SPTBN1: variants seen among roughly 807,000 people sequenced by gnomAD.
SPTBN1 encodes the protein spectrin beta chain, non-erythrocytic 1.
In SPTBN1, 32 loss-of-function variants were observed where a neutral mutation model predicts 266.4. The ratio of observed to expected loss-of-function variants is 0.12; its 90% CI spans 0.09 to 0.16. The LOEUF is 0.16. SPTBN1 is among the 10% of genes least tolerant of loss of function. The pLI, the probability that SPTBN1 is intolerant of heterozygous loss-of-function variation, is 1.00. For synonymous variants in SPTBN1, 1,336 were observed against 1,162.2 expected, an observed-to-expected ratio of 1.15 and a Z score of -3.04; for missense variants, 2,296 against 3,067.1, an observed-to-expected ratio of 0.75 and a Z score of 5.94.
chr2:54,552,257 AG>A (rs1672617535), intron 2 of SPTBN1, among the ~76,000 whole-genome samples: 1 of 152,238 alleles, frequency 6.6e-6, no homozygotes, highest in African/African-American at 2.4e-5. Context: ...GAGGAGATAA[AG>A]CCTAGCAATT....
intron 18 of SPTBN1, among the ~76,000 whole-genome samples, chr2:54,638,841 A>C (rs570610702): frequency 6.6e-6 from 1 of 152,272 alleles, no homozygotes; most frequent in African/African-American, 2.4e-5. Flanking sequence ...CATCACAGAC[A>C]CCCTGCATGC....
rs903920360 is a variant in SPTBN1 at position 54,540,401 on chromosome 2, G to A, written c.148+13835G>A. On this transcript the variant is annotated intron_variant, in intron 2 of 35. Coordinates refer to ENST00000356805, the MANE Select transcript of SPTBN1 (RefSeq NM_003128.3). This position sits in a 1 kb window ranked among gnomAD's most constrained non-coding sequence, Gnocchi z 5.6. Reference sequence around the variant, plus strand: ...ATTTAAGGCATTGTTTGCTAGCTTAGTAGAAGCCATTACACAGTGACTCAC... The same window carrying A: ...ATTTAAGGCATTGTTTGCTAGCTTAATAGAAGCCATTACACAGTGACTCAC... Among the ~76,000 whole-genome samples, 1 of 152,218 alleles carries A rather than the reference G, an allele frequency of 6.6e-6. No homozygotes were observed. The highest frequency in any genetic ancestry group is 1.5e-5 in the Non-Finnish European group (1 of 68,034).
At chr2:54,588,383 C>G (rs1675434247) in intron 2 of SPTBN1, among the ~76,000 whole-genome samples, 1 of 152,020 alleles carries the variant, frequency 6.6e-6, no homozygotes, top group South Asian at 2.1e-4. Context: ...GAGGTGATGT[C>G]TTGTTTTCCT....
At chr2:54,530,673 A>G (rs1282338965) in intron 2 of SPTBN1, among the ~76,000 whole-genome samples, 2 of 152,086 alleles carry the variant, frequency 1.3e-5, no homozygotes, top group Non-Finnish European at 2.9e-5. Flanking sequence ...ACATTTTTAA[A>G]ATAACTTTTA....
chr2:54,501,313 A>G (rs902226868), intron 1 of SPTBN1, among the ~76,000 whole-genome samples: 2 of 149,164 alleles, frequency 1.3e-5, no homozygotes, highest in Non-Finnish European at 3.0e-5. Context: ...TTTCTTTTTT[A>G]TTCCTTTAGA....
At chr2:54,581,637 A>C (rs1338553735) in intron 2 of SPTBN1, among the ~76,000 whole-genome samples, 13 of 127,798 alleles carry the variant, frequency 1.0e-4, no homozygotes, top group African/African-American at 4.0e-4. Flanking sequence ...TTTGAGGTTG[A>C]AGGTACAGCC....
Position 54,577,567 on chromosome 2 carries a change from T to C in SPTBN1, c.149-21525T>C, listed in dbSNP as rs1021477954. Among the ~76,000 whole-genome samples the C allele has an allele frequency of 9.8e-5, 15 of 152,350 alleles. 1 individual carries two copies. The highest frequency in any genetic ancestry group is 4.1e-4 in the South Asian group (2 of 4,832). ...TAATGGTAATAGCCACCAAAACTTC[T>C]TGATACTCCCCTTGTGCAGGCATTG... On this transcript the variant is annotated intron_variant, in intron 2 of 35. Coordinates refer to ENST00000356805, the MANE Select transcript of SPTBN1 (RefSeq NM_003128.3).
At chr2:54,656,285 TC>T (rs979020365) in intron 29 of SPTBN1, among the ~76,000 whole-genome samples, 8 of 152,190 alleles carry the variant, frequency 5.3e-5, no homozygotes, top group African/African-American at 1.9e-4. Context: ...AGAAGCCCTC[TC>T]CCCCATTTGT....
At chr2:54,601,866 C>A (rs542897028) in intron 3 of SPTBN1, among the ~76,000 whole-genome samples, 1 of 152,284 alleles carries the variant, frequency 6.6e-6, no homozygotes, top group East Asian at 1.9e-4. Flanking sequence ...ATGACCCAGA[C>A]AATTCCACCC....
intron 27 of SPTBN1, among the ~76,000 whole-genome samples, chr2:54,654,286 C>T (rs747127251): frequency 2.6e-5 from 4 of 152,206 alleles, no homozygotes; most frequent in African/African-American, 9.6e-5. Context: ...TTTCCATGCA[C>T]ATTACTAAAG....
chr2:54,600,506 G>C (rs560339035), intron 3 of SPTBN1, among the ~76,000 whole-genome samples: 1 of 152,196 alleles, frequency 6.6e-6, no homozygotes, highest in South Asian at 2.1e-4. Context: ...TGTGGTCTGG[G>C]GGTGAGGGAG....
chr2:54,585,828 G>A (rs942482811), intron 2 of SPTBN1, among the ~76,000 whole-genome samples: 3 of 152,200 alleles, frequency 2.0e-5, no homozygotes, highest in African/African-American at 7.2e-5. Context: ...CTTTATGGCT[G>A]AATGTTGGGT....
chr2:54,517,634 T>A lies in SPTBN1; in HGVS notation c.-47-8738T>A, dbSNP rs1573315817. Among the ~76,000 whole-genome samples, 3 of 151,742 alleles carry A rather than the reference T, an allele frequency of 2.0e-5. No individual in the cohort carries two copies. The South Asian group carries it at 6.2e-4, about 31-fold the overall frequency. On this transcript the variant is annotated intron_variant, in intron 1 of 35. Coordinates refer to ENST00000356805, the MANE Select transcript of SPTBN1 (RefSeq NM_003128.3). Reference sequence around the variant, plus strand: ...GAATTTTGGCTGAACTGTATACAGCTCTATGGTGCCTTTTTTTTTTTTTTC... The same window carrying A: ...GAATTTTGGCTGAACTGTATACAGCACTATGGTGCCTTTTTTTTTTTTTTC...
intron 1 of SPTBN1, among the ~76,000 whole-genome samples, chr2:54,498,650 A>G (rs921897121): frequency 2.6e-5 from 4 of 152,254 alleles, no homozygotes; most frequent in African/African-American, 7.2e-5. Context: ...ATACATCCCT[A>G]AAGTGAAAAA....
intron 27 of SPTBN1, among the ~76,000 whole-genome samples, chr2:54,654,792 G>A (rs1680538531): frequency 6.6e-6 from 1 of 152,030 alleles, no homozygotes; most frequent in Admixed American, 6.5e-5. Context: ...GCTTTTTCTG[G>A]CACCCACCTA....
At chr2:54,667,887 C>T (rs904730206) in intron 35 of SPTBN1, among the ~76,000 whole-genome samples, 14 of 152,194 alleles carry the variant, frequency 9.2e-5, no homozygotes, top group African/African-American at 3.4e-4. Context: ...TGCCTGTCCC[C>T]TCCCAGGGAT....
chr2:54,637,318 A>G (rs1469070656), intron 17 of SPTBN1, among the ~76,000 whole-genome samples: 4 of 151,932 alleles, frequency 2.6e-5, no homozygotes, highest in Non-Finnish European at 5.9e-5. Flanking sequence ...GATTATATAT[A>G]TTTTCTTAGC....
intron 2 of SPTBN1, among the ~76,000 whole-genome samples, chr2:54,591,543 CTTAAGCCAGGTATAAA>C (rs1023655670): frequency 2.4e-4 from 37 of 152,204 alleles, no homozygotes; most frequent in African/African-American, 8.7e-4. Flanking sequence ...GATTCCTTCT[CTTAAGCCAGGTATAAA>C]TTCAGTCTTT....
chr2:54,463,334 T>A lies in SPTBN1; in HGVS notation c.-48+6816T>A, dbSNP rs561206655. Reference sequence around the variant, plus strand: ...ATGACAAATAGACAAGTCAAGTGCATGATTGGATATTTGATTGGGAAGAGT... The same window carrying A: ...ATGACAAATAGACAAGTCAAGTGCAAGATTGGATATTTGATTGGGAAGAGT... On this transcript the variant is annotated intron_variant, in intron 1 of 35. Transcript: ENST00000356805. 1.3e-5 allele frequency among the ~76,000 whole-genome samples: 2 copies of A among 152,360 alleles called. 1 individual carries two copies. Among genetic ancestry groups the A allele is most frequent in the South Asian group, 4.1e-4 (2 of 4,830 alleles).
Sources: allele counts gnomAD v4.1 joint callset (sites outside exome capture counted in the v4.1 genomes callset), GRCh38; gene constraint gnomAD v4.1.1; non-coding constraint Gnocchi (gnomAD v3.1); transcripts MANE v1.5; gene names NCBI Gene and HGNC (gene_info 2026-07-23, HGNC 2026-07-21).